Variants in MAP4K3 observed in about 807,000 individuals in gnomAD.
The protein encoded by MAP4K3 is mitogen-activated protein kinase kinase kinase kinase 3, also known as MAPK/ERK kinase kinase kinase 3.
MAP4K3 carries 94 observed loss-of-function variants against 143.5 expected under a neutral mutation model. That is an observed-to-expected ratio of 0.65 (90% CI 0.55 to 0.78). The LOEUF (loss-of-function observed/expected upper bound fraction) is 0.78, where lower values mean the gene tolerates loss of function less well. Ranked by LOEUF, MAP4K3 falls within the 30% of genes least tolerant of loss-of-function variation. The pLI, the probability that MAP4K3 is intolerant of heterozygous loss-of-function variation, is 0.00. For synonymous variants in MAP4K3, 416 were observed against 347.2 expected, an observed-to-expected ratio of 1.20 and a Z score of -2.20; for missense variants, 1,077 against 1,068.1, an observed-to-expected ratio of 1.01 and a Z score of -0.12.
chr2:39,428,929 A>T (rs1446770551), intron 1 of MAP4K3, among the ~76,000 whole-genome samples: 1 of 148,454 alleles, frequency 6.7e-6, no homozygotes, highest in East Asian at 2.1e-4. Flanking sequence ...TTAGCCCAGC[A>T]TGGTGGCACA....
At chr2:39,267,627 C>G (rs566178307) in intron 26 of MAP4K3, among the ~76,000 whole-genome samples, 1 of 148,260 alleles carries the variant, frequency 6.7e-6, no homozygotes, top group Admixed American at 6.8e-5. Context: ...GAGCCGAGAG[C>G]ACACCATTGC....
chr2:39,317,399 A>G (rs2148507026), intron 12 of MAP4K3, among the ~76,000 whole-genome samples: 1 of 152,306 alleles, frequency 6.6e-6, no homozygotes, highest in Non-Finnish European at 1.5e-5. Flanking sequence ...CACAAAACCA[A>G]AAATTGACAA....
chr2:39,264,981 G>A (rs1680710079), intron 28 of MAP4K3, among the ~76,000 whole-genome samples: 1 of 152,078 alleles, frequency 6.6e-6, no homozygotes, highest in Non-Finnish European at 1.5e-5. Flanking sequence ...ACTATTTCCA[G>A]CTCCCCACCG....
intron 1 of MAP4K3, among the ~76,000 whole-genome samples, chr2:39,386,820 C>CTTTTTTTTTTTTTTTTTTTTTTTTT (rs56011585): frequency 7.2e-6 from 1 of 139,152 alleles, no homozygotes; most frequent in African/African-American, 2.8e-5. Context: ...TTTTGTTGTT[C>CTTTTTTTTTTTTTTTTTTTTTTTTT]TTTTTTTTTT....
At chr2:39,434,158 A>C (rs1446074811) in intron 1 of MAP4K3, among the ~76,000 whole-genome samples, 2 of 152,260 alleles carry the variant, frequency 1.3e-5, no homozygotes, top group East Asian at 3.8e-4. Context: ...TAATCCAATC[A>C]TTCCATTTTT....
At position 39,295,099 on chromosome 2, in the gene MAP4K3, A is replaced by T. The variant is rs77089439; in HGVS notation, c.1179-1831T>A. ...CTAATATTATTTTGTCTCATAAAAA[A>T]TAGCTATTTTTTTCATAAAAAAATG... On this transcript the variant is annotated intron_variant, in intron 16 of 33. Transcript: ENST00000263881. Among the ~76,000 whole-genome samples, 259 of 152,130 alleles carry T rather than the reference A, an allele frequency of 1.7e-3. 6 individuals carry two copies. The East Asian group carries it at 0.024, about 14-fold the overall frequency.
chr2:39,255,090 G>T (rs1680294008), intron 31 of MAP4K3, among the ~76,000 whole-genome samples: 1 of 151,652 alleles, frequency 6.6e-6, no homozygotes, highest in South Asian at 2.1e-4. Flanking sequence ...TATAAATTTG[G>T]TATTTATCAT....
intron 12 of MAP4K3, among the ~76,000 whole-genome samples, chr2:39,319,188 G>A (rs1683216782): frequency 6.6e-6 from 1 of 151,230 alleles, no homozygotes; most frequent in African/African-American, 2.4e-5. Flanking sequence ...TTTACTTTTA[G>A]GTCTTCTCAT....
rs1246489911 is a variant in MAP4K3 at position 39,428,914 on chromosome 2, A to G, written c.96+7978T>C. Reference sequence around the variant, plus strand: ...GAAATCCCGTCTCTACTAAGAATACAAAAATTAGCCCAGCATGGTGGCACA... The same window carrying G: ...GAAATCCCGTCTCTACTAAGAATACGAAAATTAGCCCAGCATGGTGGCACA... On this transcript the variant is annotated intron_variant, in intron 1 of 33. Transcript: ENST00000263881. Among the ~76,000 whole-genome samples the G allele has an allele frequency of 3.6e-4, 54 of 151,624 alleles. 1 individual carries two copies. The highest frequency in any genetic ancestry group is 3.6e-3 in the Admixed American group (54 of 15,208).
chr2:39,284,703 G>A (rs56931181), intron 21 of MAP4K3, among the ~76,000 whole-genome samples: 1 of 151,426 alleles, frequency 6.6e-6, no homozygotes, highest in African/African-American at 2.4e-5. Context: ...AAGTAGCCAG[G>A]CGTGGTGGCG....
At chr2:39,351,210 T>G (rs1665448031) in intron 3 of MAP4K3, among the ~76,000 whole-genome samples, 1 of 152,232 alleles carries the variant, frequency 6.6e-6, no homozygotes, top group South Asian at 2.1e-4. Flanking sequence ...GGCTCTAATG[T>G]GAGACCAGTA....
At chr2:39,369,343 G>C (rs907847766) in intron 2 of MAP4K3, among the ~76,000 whole-genome samples, 4 of 151,736 alleles carry the variant, frequency 2.6e-5, no homozygotes, top group Admixed American at 6.6e-5. Context: ...ATACAGGTGC[G>C]AGCCACCAAG....
At chr2:39,411,836 TATCTACATGGTGACTAA>T (rs886126684) in intron 1 of MAP4K3, among the ~76,000 whole-genome samples, 3 of 152,212 alleles carry the variant, frequency 2.0e-5, no homozygotes, top group African/African-American at 7.2e-5. Flanking sequence ...AATGGCTACA[TATCTACATGGTGACTAA>T]ATCTACATGG....
intron 1 of MAP4K3, among the ~76,000 whole-genome samples, chr2:39,419,821 T>C (rs773036861): frequency 6.6e-6 from 1 of 152,232 alleles, no homozygotes. Context: ...GTGGACTGTT[T>C]CTGCAAAAGG....
intron 1 of MAP4K3, among the ~76,000 whole-genome samples, chr2:39,405,027 T>A (rs543507353): frequency 6.6e-6 from 1 of 152,204 alleles, no homozygotes; most frequent in Non-Finnish European, 1.5e-5. Context: ...ACAAGCCTGG[T>A]TGGCTTCACC....
At chr2:39,431,562 C>G (rs1665290953) in intron 1 of MAP4K3, among the ~76,000 whole-genome samples, 1 of 151,970 alleles carries the variant, frequency 6.6e-6, no homozygotes, top group Middle Eastern at 3.2e-3. Context: ...GGAGCAGGCT[C>G]ATTAAAAGAT....
chr2:39,306,807 T>C (rs757978315), intron 15 of MAP4K3, among the ~76,000 whole-genome samples: 1 of 152,200 alleles, frequency 6.6e-6, no homozygotes, highest in Non-Finnish European at 1.5e-5. Context: ...CTGACATTAG[T>C]CTTAGTCCCT....
At chr2:39,363,377 C>T (rs1440780244) in intron 2 of MAP4K3, among the ~76,000 whole-genome samples, 4 of 150,910 alleles carry the variant, frequency 2.7e-5, no homozygotes, top group Non-Finnish European at 4.4e-5. Context: ...GATTCAAAAA[C>T]GAGCAAAGGG....
intron 6 of MAP4K3, among the ~76,000 whole-genome samples, chr2:39,334,192 G>A (rs1683785104): frequency 6.6e-6 from 1 of 152,072 alleles, no homozygotes; most frequent in African/African-American, 2.4e-5. Context: ...TGCATGATCT[G>A]GTTGCATTTT....
Sources: allele counts gnomAD v4.1 joint callset (sites outside exome capture counted in the v4.1 genomes callset), GRCh38; gene constraint gnomAD v4.1.1; transcripts MANE v1.5; gene names NCBI Gene and HGNC (gene_info 2026-07-23, HGNC 2026-07-21).